The following DNAH12 variants were observed in gnomAD, a reference collection of about 807,000 sequenced individuals.
DNAH12 encodes dynein axonemal heavy chain 12, also known as axonemal beta dynein heavy chain 12.
DNAH12 carries 285 observed loss-of-function variants against 371.5 expected under a neutral mutation model. The observed-to-expected ratio is 0.77, with a 90% CI of 0.70 to 0.85. DNAH12 has a LOEUF of 0.85. DNAH12 is among the 40% of genes least tolerant of loss of function. The pLI, the probability that DNAH12 is intolerant of heterozygous loss-of-function variation, is 0.00. For synonymous variants in DNAH12, 1,200 were observed against 1,213.0 expected (o/e 0.99, Z 0.22); for missense variants, 3,611 against 3,689.4 (o/e 0.98, Z 0.55).
At chr3:57,297,485 AGCTGGGATTACAG>A (rs997129940) in intron 70 of DNAH12, among the ~76,000 whole-genome samples, 117 of 151,674 alleles carry the variant, frequency 7.7e-4, no homozygotes, top group African/African-American at 2.7e-3. Flanking sequence ...CCTCCTGAGT[AGCTGGGATTACAG>A]GCGTGCACCA....
At chr3:57,383,305 C>A (rs917350303) in intron 49 of DNAH12, among the ~76,000 whole-genome samples, 3,608 of 152,130 alleles carry the variant, frequency 0.024, 64 homozygotes, top group Admixed American at 0.035. Flanking sequence ...TCAGGTAATA[C>A]AGCATTTGAT....
At chr3:57,444,339 C>T (rs1045082920) in intron 29 of DNAH12, among the ~76,000 whole-genome samples, 2 of 151,846 alleles carry the variant, frequency 1.3e-5, no homozygotes, top group African/African-American at 2.4e-5. Context: ...AGTGGTGGGA[C>T]ACCACCATGC....
intron 2 of DNAH12, among the ~76,000 whole-genome samples, chr3:57,527,772 C>T (rs113540908): frequency 0.021 from 3,158 of 152,252 alleles, 105 homozygotes; most frequent in African/African-American, 0.07. Context: ...TTATATATTA[C>T]GGTTATTAAT....
chr3:57,512,254 A>G (rs1434161817), intron 4 of DNAH12, among the ~76,000 whole-genome samples: 1 of 152,342 alleles, frequency 6.6e-6, no homozygotes, highest in Admixed American at 6.5e-5. Flanking sequence ...CAAGAAAACA[A>G]GTATTGCATT....
chr3:57,457,701 T>C lies in DNAH12; in HGVS notation c.3336+20A>G. ...GCATTTGCAGAATATAGGGTATATA[T>C]CAAATCCTAGGAAACACACCAGCCT... On this transcript the variant is annotated intron_variant, in intron 22 of 73. Coordinates refer to ENST00000495027, the MANE Select transcript of DNAH12 (RefSeq NM_001366028.2). 6.5e-7 allele frequency: 1 copy of C among 1,543,630 alleles called. No individual in the cohort carries two copies. Among genetic ancestry groups the C allele is most frequent in the Non-Finnish European group, 8.8e-7 (1 of 1,140,812 alleles).
intron 47 of DNAH12, among the ~76,000 whole-genome samples, chr3:57,385,812 G>A (rs2063489598): frequency 6.6e-6 from 1 of 152,118 alleles, no homozygotes; most frequent in Non-Finnish European, 1.5e-5. Context: ...AACCCGGGAG[G>A]TGGAGCTGCA....
At chr3:57,462,977 A>G (rs1328355569) in intron 17 of DNAH12, 102 bp from the exon 18 acceptor site, 1 of 716,946 alleles carries the variant, frequency 1.4e-6, no homozygotes, top group Non-Finnish European at 2.2e-6. Context: ...CATTTCTTCA[A>G]TTTATTTAAT....
At chr3:57,469,994 T>C (rs2066321227) in intron 16 of DNAH12, among the ~76,000 whole-genome samples, 1 of 152,076 alleles carries the variant, frequency 6.6e-6, no homozygotes, top group Admixed American at 6.6e-5. Context: ...AAGTTGAAAT[T>C]ATAAAACAAA....
At chr3:57,410,747 C>G (rs973278939) in intron 39 of DNAH12, among the ~76,000 whole-genome samples, 2 of 151,264 alleles carry the variant, frequency 1.3e-5, no homozygotes, top group Non-Finnish European at 2.9e-5. Context: ...ACCTGGGAGG[C>G]GGAGGTTGTA....
chr3:57,447,735 T>C (rs2065563040), intron 25 of DNAH12, among the ~76,000 whole-genome samples: 1 of 152,200 alleles, frequency 6.6e-6, no homozygotes. Context: ...AGCACAGTGG[T>C]GAGATCTTGA....
At chr3:57,473,058 C>T (rs2066412780) in intron 13 of DNAH12, among the ~76,000 whole-genome samples, 1 of 151,402 alleles carries the variant, frequency 6.6e-6, no homozygotes, top group Non-Finnish European at 1.5e-5. Flanking sequence ...ATTTTTGAAT[C>T]TTTGATGACA....
At chr3:57,482,457 C>G (rs1329655518) in intron 13 of DNAH12, among the ~76,000 whole-genome samples, 1 of 151,418 alleles carries the variant, frequency 6.6e-6, no homozygotes, top group Middle Eastern at 3.2e-3. Flanking sequence ...AATAGGAGCA[C>G]TTTTACACTG....
At chr3:57,332,188 TTTC>T (rs1347270167) in intron 62 of DNAH12, among the ~76,000 whole-genome samples, 2 of 152,242 alleles carry the variant, frequency 1.3e-5, no homozygotes, top group African/African-American at 2.4e-5. Flanking sequence ...ATGAACATGG[TTTC>T]TTGTTTTCTT....
At chr3:57,353,228 T>C (rs1314675623) in intron 59 of DNAH12, among the ~76,000 whole-genome samples, 1 of 152,210 alleles carries the variant, frequency 6.6e-6, no homozygotes, top group Non-Finnish European at 1.5e-5. Flanking sequence ...TTTTTCAGTT[T>C]AATTTTTAAA....
rs370306628 is a variant in DNAH12 at position 57,333,088 on chromosome 3, GTTC to G, written c.9978+1374_9978+1376del. 9.6e-4 allele frequency among the ~76,000 whole-genome samples: 146 copies of G among 152,100 alleles called. 2 individuals carry two copies. In the East Asian group the frequency reaches 0.024, roughly 25 times the overall value. Reference sequence around the variant, plus strand: ...GGGACATATACAGTTTCTGTTGCATGTTCTTTTTTATTTTATTATTATTTTTTA... The same window carrying G: ...GGGACATATACAGTTTCTGTTGCATGTTTTTTATTTTATTATTATTTTTTA... On this transcript the variant is annotated intron_variant, in intron 62 of 73. Transcript: ENST00000495027.
intron 58 of DNAH12, among the ~76,000 whole-genome samples, chr3:57,358,046 C>T (rs912481689): frequency 6.6e-6 from 1 of 152,130 alleles, no homozygotes; most frequent in African/African-American, 2.4e-5. Flanking sequence ...GAGCACTATT[C>T]CAACTCACTC....
At chr3:57,304,142 C>T (rs1175830492) in intron 69 of DNAH12, among the ~76,000 whole-genome samples, 1 of 151,916 alleles carries the variant, frequency 6.6e-6, no homozygotes, top group Non-Finnish European at 1.5e-5. Flanking sequence ...CGGCCCCACC[C>T]CATCTCCCTT....
chr3:57,429,860 G>T (rs2064903406), intron 32 of DNAH12, 86 bp from the exon 33 acceptor site: 1 of 1,106,744 alleles, frequency 9.0e-7, no homozygotes. Context: ...AAATAAAGTA[G>T]CTCCTGTGAT....
chr3:57,417,557 T>C (rs1377629552), intron 37 of DNAH12, among the ~76,000 whole-genome samples: 1 of 152,224 alleles, frequency 6.6e-6, no homozygotes, highest in African/African-American at 2.4e-5. Context: ...TCAGAGAATC[T>C]GTGAACTTGA....
Sources: gnomAD v4.1 joint callset for allele counts (sites outside exome capture counted in the v4.1 genomes callset) on GRCh38, gnomAD v4.1.1 for gene constraint, MANE v1.5 for transcripts, NCBI Gene and HGNC (gene_info 2026-07-23, HGNC 2026-07-21) for gene names.